The following DYTN variants were observed in gnomAD, a reference collection of about 807,000 sequenced individuals.
DYTN encodes the protein dystrotelin.
Under a neutral mutation model 69.6 loss-of-function variants are expected in DYTN, and 75 were observed. The observed-to-expected ratio is 1.08, with a 90% CI of 0.89 to 1.31. The LOEUF (loss-of-function observed/expected upper bound fraction) is 1.31. Ranked by LOEUF, DYTN falls within the 50% of genes most tolerant of loss-of-function variation. DYTN has a pLI of 0.00. For synonymous variants in DYTN, 252 were observed against 249.1 expected (o/e 1.01, Z -0.11); for missense variants, 726 against 688.4 (o/e 1.05, Z -0.61).
intron 9 of DYTN, among the ~76,000 whole-genome samples, chr2:206,681,725 C>G (rs534661834): frequency 2.0e-4 from 30 of 152,238 alleles, no homozygotes; most frequent in African/African-American, 7.0e-4. Flanking sequence ...AGGGATGAAA[C>G]CAACTTGATT....
At position 206,693,403 on chromosome 2, in the gene DYTN, C is replaced by A. The variant is rs889612208; in HGVS notation, c.832-80G>T. ...TCCTTCCTTACTTGGATGGACTGGC[C>A]ACCATGAAAGTTTTTGGAATTATTT... On this transcript the variant is annotated intron_variant, in intron 8 of 11. Coordinates refer to ENST00000452335, the MANE Select transcript of DYTN (RefSeq NM_001093730.1). 1.3e-5 allele frequency: 19 copies of A among 1,504,496 alleles called. No individual in the cohort carries two copies. The South Asian group carries it at 2.3e-4, about 18-fold the overall frequency. 93.2% of individuals were successfully genotyped at this position (1,504,496 alleles called of 1,614,324 possible).
At chr2:206,710,831 C>T (rs1401920688) in intron 1 of DYTN, among the ~76,000 whole-genome samples, 1 of 152,096 alleles carries the variant, frequency 6.6e-6, no homozygotes, top group Non-Finnish European at 1.5e-5. Flanking sequence ...CGGAATACTC[C>T]ATCAATCTGT....
chr2:206,697,500 A>G (rs1159797765), intron 7 of DYTN, among the ~76,000 whole-genome samples: 1 of 152,220 alleles, frequency 6.6e-6, no homozygotes, highest in East Asian at 1.9e-4. Flanking sequence ...CAAAAAACCA[A>G]AGCTACTGGT....
At chr2:206,713,014 G>A (rs994091888) in intron 1 of DYTN, among the ~76,000 whole-genome samples, 2 of 152,260 alleles carry the variant, frequency 1.3e-5, no homozygotes, top group East Asian at 1.9e-4. Flanking sequence ...ACAAGGGTGA[G>A]CAGAGATGAA....
chr2:206,694,714 G>A, intron 8 of DYTN, 52 bp downstream of exon 8: 1 of 1,465,306 alleles, frequency 6.8e-7, no homozygotes, highest in Non-Finnish European at 9.2e-7. Context: ...CATGGCTATA[G>A]CTTATACTGA....
At chr2:206,692,011 G>A (rs78660440) in intron 9 of DYTN, among the ~76,000 whole-genome samples, 5,196 of 152,068 alleles carry the variant, frequency 0.034, 110 homozygotes, top group Middle Eastern at 0.051. Flanking sequence ...ATGGTGGCTC[G>A]TGCCTGTAAT....
chr2:206,653,040 C>A (rs539447989), intron 11 of DYTN, among the ~76,000 whole-genome samples: 29 of 152,236 alleles, frequency 1.9e-4, no homozygotes, highest in Admixed American at 1.0e-3. Context: ...TCCATCTGTG[C>A]TGTTTTTTGT....
intron 9 of DYTN, among the ~76,000 whole-genome samples, chr2:206,674,395 A>G (rs1699660403): frequency 6.6e-6 from 1 of 152,190 alleles, no homozygotes; most frequent in Non-Finnish European, 1.5e-5. Context: ...ATCAAAGTTG[A>G]CTGAAGAAAG....
chr2:206,684,974 A>G lies in DYTN; in HGVS notation c.980+8201T>C, dbSNP rs1176520191. 2.0e-5 allele frequency among the ~76,000 whole-genome samples: 3 copies of G among 152,116 alleles called. No individual in the cohort carries two copies. In the East Asian group the frequency reaches 5.8e-4, roughly 29 times the overall value. On this transcript the variant is annotated intron_variant, in intron 9 of 11. Coordinates refer to ENST00000452335, the MANE Select transcript of DYTN (RefSeq NM_001093730.1). ...AGCAGTGCCTAAATCAGGTTTGTTT[A>G]CCCTCAGCATTGAAGGCATGTAATG...
At position 206,699,944 on chromosome 2, in the gene DYTN, A is replaced by T. The variant is rs1475378498; in HGVS notation, c.556-54T>A. ...TTTTTAGGCACGACTTGATATTTTC[A>T]TTTTCTTTTCTGACTCTAATTCTGT... On this transcript the variant is annotated intron_variant, in intron 6 of 11. Transcript: ENST00000452335. The T allele has an allele frequency of 1.9e-6, 3 of 1,577,088 alleles. No homozygotes were observed. In the East Asian group the frequency reaches 6.7e-5, roughly 35 times the overall value.
At chr2:206,686,108 C>A (rs1462651266) in intron 9 of DYTN, among the ~76,000 whole-genome samples, 3 of 152,026 alleles carry the variant, frequency 2.0e-5, no homozygotes, top group Non-Finnish European at 4.4e-5. Context: ...GGGGAGTGCT[C>A]AGCTACTTTC....
chr2:206,703,461 G>A (rs988602196), intron 5 of DYTN, among the ~76,000 whole-genome samples: 1 of 151,998 alleles, frequency 6.6e-6, no homozygotes, highest in Non-Finnish European at 1.5e-5. Context: ...TGTGGCTGCT[G>A]CAACTACCAG....
Position 206,715,143 on chromosome 2 carries a change from A to G in DYTN, c.19+3118T>C, listed in dbSNP as rs551673226. On this transcript the variant is annotated intron_variant, in intron 1 of 11. Transcript: ENST00000452335. ...AATGGGAGGTCAGGAATGAGGTAGA[A>G]ACAGGTGGGAATCAGGGAACAGGCA... 7.5e-4 allele frequency among the ~76,000 whole-genome samples: 114 copies of G among 152,248 alleles called. 1 individual carries two copies. Among genetic ancestry groups the G allele is most frequent in the African/African-American group, 2.7e-3 (111 of 41,552 alleles).
rs1295569926 is a variant in DYTN at position 206,704,998 on chromosome 2, A to G, written c.383-55T>C. On this transcript the variant is annotated intron_variant, in intron 4 of 11. Transcript: ENST00000452335. ...TTGAATACTTGCAATGTATCTTTGA[A>G]GAGTACTTGCTTTGAAGTAACAGTC... The G allele has an allele frequency of 5.7e-6, 8 of 1,410,104 alleles. No homozygotes were observed. The East Asian group carries it at 1.9e-4, about 33-fold the overall frequency. 87.3% of individuals were successfully genotyped at this position (1,410,104 alleles called of 1,614,324 possible).
intron 11 of DYTN, among the ~76,000 whole-genome samples, chr2:206,661,781 A>G (rs1644397278): frequency 6.6e-6 from 1 of 152,190 alleles, no homozygotes; most frequent in Non-Finnish European, 1.5e-5. Flanking sequence ...AGTTTTGGGG[A>G]GTAAAGTTAC....
chr2:206,701,288 C>T (rs528535650), intron 5 of DYTN: 4 of 152,284 alleles, frequency 2.6e-5, no homozygotes, highest in Non-Finnish European at 5.9e-5. Flanking sequence ...CTTGTTTAAA[C>T]AAGCAAGGGA....
At chr2:206,705,625 T>G (rs985814927) in intron 4 of DYTN, among the ~76,000 whole-genome samples, 163 bp downstream of exon 4, 2 of 152,224 alleles carry the variant, frequency 1.3e-5, no homozygotes, top group Non-Finnish European at 2.9e-5. Context: ...GTGTAAATTT[T>G]GAAAAATTCC....
At chr2:206,667,032 G>C (rs1699580988) in intron 9 of DYTN, among the ~76,000 whole-genome samples, 1 of 152,132 alleles carries the variant, frequency 6.6e-6, no homozygotes, top group African/African-American at 2.4e-5. Context: ...CTGACAGAGA[G>C]AGACCCTGTC....
chr2:206,677,576 G>T (rs940164171), intron 9 of DYTN, among the ~76,000 whole-genome samples: 1 of 152,210 alleles, frequency 6.6e-6, no homozygotes, highest in Non-Finnish European at 1.5e-5. Flanking sequence ...TAAAAGCTAT[G>T]TGTCAAGATA....
Sources: gnomAD v4.1 joint callset for allele counts (sites outside exome capture counted in the v4.1 genomes callset) on GRCh38, gnomAD v4.1.1 for gene constraint, MANE v1.5 for transcripts, NCBI Gene and HGNC (gene_info 2026-07-23, HGNC 2026-07-21) for gene names.